The following EPGN variants were observed in gnomAD, a reference collection of about 807,000 sequenced individuals.
EPGN encodes epithelial mitogen, also known as epigen.
In EPGN, 21 loss-of-function variants were observed where a neutral mutation model predicts 20.7. The ratio of observed to expected loss-of-function variants is 1.01; its 90% CI spans 0.72 to 1.46. EPGN has a LOEUF of 1.46. EPGN is among the 40% of genes most tolerant of loss of function. The probability of loss-of-function intolerance (pLI) is 0.00; values close to 1 mark genes in which losing one functional copy is unlikely to be tolerated. For synonymous variants in EPGN, 69 were observed against 63.8 expected, an observed-to-expected ratio of 1.08 and a Z score of -0.39; for missense variants, 199 against 180.7, an observed-to-expected ratio of 1.10 and a Z score of -0.58.
In EPGN at chr4:74,313,212, G is replaced by A. The variant is rs763240279; in HGVS notation, c.407+42G>A. 2.9e-4 allele frequency: 457 copies of A among 1,581,672 alleles called. 1 individual carries two copies. Among genetic ancestry groups the A allele is most frequent in the Admixed American group, 5.0e-4 (26 of 51,534 alleles). ...ATATGAAGTCACTTCATATGCAATC[G>A]TTTGACAAATAGTTATTCAGGCCCT... On this transcript the variant is annotated intron_variant, in intron 4 of 4. Transcript: ENST00000413830.
chr4:74,314,500 T>C, intron 4 of EPGN, 80 bp from the exon 5 acceptor site: 2 of 1,390,286 alleles, frequency 1.4e-6, no homozygotes, highest in Non-Finnish European at 2.0e-6. Context: ...GAGCAACTGC[T>C]GCAGGGTGCA....
chr4:74,313,656 T>C (rs1317878373), intron 4 of EPGN: 1 of 974,872 alleles, frequency 1.0e-6, no homozygotes, highest in African/African-American at 1.8e-5. Flanking sequence ...CTTCAGAAGA[T>C]ACTGTCTCCT....
In EPGN at chr4:74,314,564, C is replaced by T; in HGVS notation, c.408-16C>T. 1 of 1,535,480 alleles carries T rather than the reference C, an allele frequency of 6.5e-7. No homozygotes were observed. Among genetic ancestry groups the T allele is most frequent in the Non-Finnish European group, 8.7e-7 (1 of 1,146,404 alleles). ...ACCACAGTCAAATTCATATGGAAACCAATGCTCTGTTTCAGGTGTCTAAAA... is the reference window on the plus strand; with the variant it reads ...ACCACAGTCAAATTCATATGGAAACTAATGCTCTGTTTCAGGTGTCTAAAA... On this transcript the variant is annotated splice_polypyrimidine_tract_variant and intron_variant, in intron 4 of 4. Coordinates refer to ENST00000413830, the MANE Select transcript of EPGN (RefSeq NM_001270989.2).
chr4:74,315,700 C>G lies in EPGN; in HGVS notation c.*1063C>G, dbSNP rs575313054. On this transcript the variant is annotated 3_prime_UTR_variant, in exon 5 of 5. Coordinates refer to ENST00000413830, the MANE Select transcript of EPGN (RefSeq NM_001270989.2). ...GGCGTGGTGGTTCACGCCTGTAATC[C>G]TAGCACTTTGGGAGGCCGAGGCGGA... 1.2e-4 allele frequency among the ~76,000 whole-genome samples: 19 copies of G among 152,054 alleles called. No individual in the cohort carries two copies. The highest frequency in any genetic ancestry group is 1.9e-4 in the Non-Finnish European group (13 of 67,998).
rs752505452 is a variant in EPGN, at chr4:74,316,556, G to A, written c.*1919G>A. 1.3e-5 allele frequency among the ~76,000 whole-genome samples: 2 copies of A among 152,142 alleles called. No individual in the cohort carries two copies. Among genetic ancestry groups the A allele is most frequent in the Admixed American group, 6.5e-5 (1 of 15,272 alleles). Reference sequence around the variant, plus strand: ...CCTTCAGAAGGAATTTAATGCAAACGGATTGCAGTCAGCACTTTCTGAATG... The same window carrying A: ...CCTTCAGAAGGAATTTAATGCAAACAGATTGCAGTCAGCACTTTCTGAATG... On this transcript the variant is annotated 3_prime_UTR_variant, in exon 5 of 5. Coordinates refer to ENST00000413830, the MANE Select transcript of EPGN (RefSeq NM_001270989.2).
rs907244322 is a variant in EPGN, at chr4:74,313,658, C to T, written c.407+488C>T. ...CAACTGGGGGTATCTTCAGAAGATACTGTCTCCTGCTAAAAACCTAAGAAG... is the reference window on the plus strand; with the variant it reads ...CAACTGGGGGTATCTTCAGAAGATATTGTCTCCTGCTAAAAACCTAAGAAG... On this transcript the variant is annotated intron_variant, in intron 4 of 4. Transcript: ENST00000413830. 2.6e-5 allele frequency: 25 copies of T among 964,732 alleles called. No homozygotes were observed. In the African/African-American group the frequency reaches 4.4e-4, roughly 17 times the overall value. The allele number at this position is 964,732 out of a possible 1,614,324, so 59.8% of individuals were successfully genotyped here. A position where few individuals can be genotyped will look rare whatever the true frequency, so the allele number is the denominator to read the frequency against.
In EPGN at chr4:74,314,772, G is replaced by C. The variant is rs1751191588; in HGVS notation, c.*135G>C. 2.4e-6 allele frequency: 2 copies of C among 849,846 alleles called. No individual in the cohort carries two copies. Among genetic ancestry groups the C allele is most frequent in the East Asian group, 5.3e-5 (2 of 37,510 alleles). The allele number at this position is 849,846 out of a possible 1,614,324, so 52.6% of individuals were successfully genotyped here. A position where few individuals can be genotyped will look rare whatever the true frequency, so the allele number is the denominator to read the frequency against. On this transcript the variant is annotated 3_prime_UTR_variant, in exon 5 of 5. Transcript: ENST00000413830. ...ATGAAAGTTGGGATCACAATGAAAT[G>C]AGAAGATAAAATTCAGCGTTGGCCT...
Position 74,311,071 on chromosome 4 carries a change from C to T in EPGN, c.134-1114C>T, listed in dbSNP as rs149930648. ...TGTTTTTTATCTAACTTAAAAATAT[C>T]AATCTAGTATCTTAGAAAAATTTTT... On this transcript the variant is annotated intron_variant, in intron 2 of 4. Transcript: ENST00000413830. 3.4e-3 allele frequency among the ~76,000 whole-genome samples: 519 copies of T among 151,424 alleles called. 1 individual carries two copies. The highest frequency in any genetic ancestry group is 9.8e-3 in the South Asian group (47 of 4,818).
chr4:74,314,165 C>A (rs1158196259), intron 4 of EPGN: 2 of 460,078 alleles, frequency 4.3e-6, no homozygotes, highest in Admixed American at 4.7e-5. Flanking sequence ...GCAGATGGAG[C>A]ACAAGAAGAA....
rs773666058 is a variant in EPGN, at chr4:74,315,468, G to A, written c.*831G>A. 2.2e-4 allele frequency among the ~76,000 whole-genome samples: 34 copies of A among 152,260 alleles called. No individual in the cohort carries two copies. The highest frequency in any genetic ancestry group is 6.2e-4 in the South Asian group (3 of 4,824). ...TACCTGGTGACCATTCATTTGGACC[G>A]AAATCCTGGAAGTCTCCTACTGAAT... On this transcript the variant is annotated 3_prime_UTR_variant, in exon 5 of 5. Transcript: ENST00000413830.
chr4:74,309,215 C>A, intron 2 of EPGN, 33 bp downstream of exon 2: 1 of 1,585,980 alleles, frequency 6.3e-7, no homozygotes, highest in Non-Finnish European at 8.6e-7. Flanking sequence ...TTTCACAAGA[C>A]TTTTCTAAAA....
Position 74,309,188 on chromosome 4 carries a change from T to C in EPGN, c.133+6T>C. 1 of 1,609,538 alleles carries C rather than the reference T, an allele frequency of 6.2e-7. No homozygotes were observed. Among genetic ancestry groups the C allele is most frequent in the Non-Finnish European group, 8.5e-7 (1 of 1,177,186 alleles). On this transcript the variant is annotated splice_donor_region_variant and intron_variant, in intron 2 of 4. Transcript: ENST00000413830. ...GACAGTTAACAAAACAGAAGGTATT[T>C]TCTTCCCATTTTCATATTTCACAAG... is the stretch of plus-strand genomic sequence containing the variant.
intron 4 of EPGN, chr4:74,313,435 T>C (rs1437738850): frequency 7.7e-7 from 1 of 1,296,734 alleles, no homozygotes; most frequent in Non-Finnish European, 9.7e-7. Context: ...ATATCAAAAT[T>C]ATAAATGAGG....
In EPGN at chr4:74,308,558, GTCTA is replaced by G. The variant is rs765885233; in HGVS notation, c.29_32del (p.Tyr10PhefsTer6). Reference sequence around the variant, plus strand: ...AATGGCTTTGGGAGTTCCAATATCAGTCTATCTTTTATTCAACGGTAGGTAATTT... The same window carrying G: ...AATGGCTTTGGGAGTTCCAATATCAGTCTTTTATTCAACGGTAGGTAATTT... On this transcript the variant is annotated frameshift_variant, in exon 1 of 5. Coordinates refer to ENST00000413830, the MANE Select transcript of EPGN (RefSeq NM_001270989.2). LOFTEE classifies it high-confidence loss of function. 1.0e-4 allele frequency: 166 copies of G among 1,610,458 alleles called. No homozygotes were observed. The highest frequency in any genetic ancestry group is 1.4e-4 in the Non-Finnish European group (161 of 1,177,834).
chr4:74,310,539 A>C (rs1750868163), intron 2 of EPGN, among the ~76,000 whole-genome samples: 1 of 151,552 alleles, frequency 6.6e-6, no homozygotes, highest in South Asian at 2.1e-4. Context: ...TCAATGACTG[A>C]CTTCGTAATA....
chr4:74,312,038 C>A, intron 2 of EPGN, 147 bp from the exon 3 acceptor site: 1 of 812,984 alleles, frequency 1.2e-6, no homozygotes, highest in Non-Finnish European at 1.8e-6. Flanking sequence ...CTTGTGAATA[C>A]AACCTGCTAA....
chr4:74,313,697 A>C, intron 4 of EPGN: 1 of 837,318 alleles, frequency 1.2e-6, no homozygotes, highest in Non-Finnish European at 1.4e-6. Flanking sequence ...ATCACAAATA[A>C]TTGTAATTAT....
At chr4:74,312,352 A>T (rs201296634) in intron 3 of EPGN, 47 bp downstream of exon 3, 1 of 1,575,832 alleles carries the variant, frequency 6.3e-7, no homozygotes, top group East Asian at 2.3e-5. Context: ...AGATGAGTTT[A>T]TGTCTCTGTT....
intron 4 of EPGN, 196 bp from the exon 5 acceptor site, chr4:74,314,384 T>C (rs2110357913): frequency 1.6e-6 from 1 of 612,720 alleles, no homozygotes; most frequent in Non-Finnish European, 2.9e-6. Flanking sequence ...CTCAGTTGGC[T>C]ATGGGCAGAC....
Sources: allele counts gnomAD v4.1 joint callset (sites outside exome capture counted in the v4.1 genomes callset), GRCh38; gene constraint gnomAD v4.1.1; transcripts MANE v1.5; gene names NCBI Gene and HGNC (gene_info 2026-07-23, HGNC 2026-07-21).